The following GPR176 variants were observed in gnomAD, a reference collection of about 807,000 sequenced individuals.
The protein encoded by GPR176 is G-protein coupled receptor 176.
Under a neutral mutation model 35.4 loss-of-function variants are expected in GPR176, and 26 were observed. The ratio of observed to expected loss-of-function variants is 0.74; its 90% confidence interval spans 0.54 to 1.02. The LOEUF (loss-of-function observed/expected upper bound fraction) is 1.02. Ranked by LOEUF, GPR176 falls within the 50% of genes least tolerant of loss-of-function variation. The pLI, the probability that GPR176 is intolerant of heterozygous loss-of-function variation, is 0.00. For missense variants in GPR176, 597 were observed against 665.3 expected (o/e 0.90, Z 1.13); for synonymous variants, 278 against 271.3 (o/e 1.02, Z -0.24).
chr15:39,802,384 T>G, intron 2 of GPR176, 130 bp from the exon 3 acceptor site: 2 of 717,834 alleles, frequency 2.8e-6, no homozygotes, highest in East Asian at 2.8e-5. Context: ...AGAAAAGCAC[T>G]GGGGGAATCC....
intron 1 of GPR176, among the ~76,000 whole-genome samples, chr15:39,829,815 AAC>A (rs929696247): frequency 6.6e-6 from 1 of 152,128 alleles, no homozygotes; most frequent in African/African-American, 2.4e-5. Context: ...GCATGAGTAC[AAC>A]AGTTTTTTTC....
chr15:39,839,750 A>G (rs1056646958), intron 1 of GPR176, among the ~76,000 whole-genome samples: 16 of 152,252 alleles, frequency 1.1e-4, no homozygotes, highest in Non-Finnish European at 2.1e-4. Context: ...GCTAATATCC[A>G]GAATCTACAA....
At chr15:39,842,742 G>A (rs2030108896) in intron 1 of GPR176, among the ~76,000 whole-genome samples, 1 of 152,064 alleles carries the variant, frequency 6.6e-6, no homozygotes, top group African/African-American at 2.4e-5. Context: ...CTAGAACTAT[G>A]AGAAATAAAT....
rs937214 is a variant in GPR176, at chr15:39,914,040, A to C, written c.172+5815T>G. ...CAGCCTGGACAACAGAGTGAGACTC[A>C]GTCTCAAAAAACAAACAAACAAACA... is the stretch of plus-strand genomic sequence containing the variant. On this transcript the variant is annotated intron_variant, in intron 1 of 2. Coordinates refer to ENST00000561100, the MANE Select transcript of GPR176 (RefSeq NM_007223.3). Among the ~76,000 whole-genome samples the C allele has an allele frequency of 4.6e-5, 7 of 152,118 alleles. No homozygotes were observed. The South Asian group carries it at 6.2e-4, about 14-fold the overall frequency.
intron 1 of GPR176, among the ~76,000 whole-genome samples, chr15:39,847,786 T>C (rs531910730): frequency 3.5e-5 from 5 of 142,580 alleles, no homozygotes; most frequent in Non-Finnish European, 4.6e-5. Flanking sequence ...TATCTTAATA[T>C]CAGATAAAAT....
intron 1 of GPR176, among the ~76,000 whole-genome samples, chr15:39,870,920 T>C (rs77723535): frequency 0.035 from 5,297 of 152,184 alleles, 308 homozygotes; most frequent in African/African-American, 0.12. Flanking sequence ...ACAACTTGAA[T>C]GGGCTTGGAA....
chr15:39,890,197 A>G (rs990346252), intron 1 of GPR176, among the ~76,000 whole-genome samples: 1 of 152,192 alleles, frequency 6.6e-6, no homozygotes, highest in Non-Finnish European at 1.5e-5. Flanking sequence ...CCAGCACACC[A>G]CTGCCCTTAA....
intron 1 of GPR176, among the ~76,000 whole-genome samples, chr15:39,902,993 G>A (rs1019581343): frequency 1.3e-5 from 2 of 152,176 alleles, no homozygotes; most frequent in African/African-American, 4.8e-5. Flanking sequence ...TTACCATGGT[G>A]CAAAAGCAAT....
chr15:39,835,047 C>T (rs956644050), intron 1 of GPR176, among the ~76,000 whole-genome samples: 1 of 151,984 alleles, frequency 6.6e-6, no homozygotes, highest in Non-Finnish European at 1.5e-5. Context: ...GACAGAGTTT[C>T]GCTCTTGTTG....
chr15:39,826,469 G>T (rs911519443), intron 1 of GPR176, among the ~76,000 whole-genome samples: 4 of 152,120 alleles, frequency 2.6e-5, no homozygotes. Flanking sequence ...GAGAAATATG[G>T]ATAGCTGAGT....
chr15:39,902,903 A>G (rs1288851075), intron 1 of GPR176, among the ~76,000 whole-genome samples: 2 of 152,236 alleles, frequency 1.3e-5, no homozygotes, highest in African/African-American at 2.4e-5. Context: ...CAGAAAATAC[A>G]AAGTCACTCC....
intron 1 of GPR176, among the ~76,000 whole-genome samples, chr15:39,854,433 A>G (rs2031073216): frequency 6.6e-6 from 1 of 152,192 alleles, no homozygotes; most frequent in African/African-American, 2.4e-5. Flanking sequence ...TTTATGGTGT[A>G]GAAAACTCCA....
Position 39,908,171 on chromosome 15 carries a change from C to T in GPR176, c.172+11684G>A, listed in dbSNP as rs77857912. On this transcript the variant is annotated intron_variant, in intron 1 of 2. Coordinates refer to ENST00000561100, the MANE Select transcript of GPR176 (RefSeq NM_007223.3). The stretch of plus-strand genomic sequence containing the variant: ...GTCCCACAGCTTCCAGCCTTCTTTA[C>T]ATCCCTGGGCTCTTGGAGCCTAAGC... 2.6e-3 allele frequency among the ~76,000 whole-genome samples: 403 copies of T among 152,320 alleles called. 5 individuals are homozygous for T. Among genetic ancestry groups the T allele is most frequent in the East Asian group, 0.022 (116 of 5,192 alleles).
At chr15:39,836,716 GTTCTAAGAGAAGGAGAAA>G (rs2140781847) in intron 1 of GPR176, among the ~76,000 whole-genome samples, 1 of 152,178 alleles carries the variant, frequency 6.6e-6, no homozygotes, top group Non-Finnish European at 1.5e-5. Context: ...ACATAAATTT[GTTCTAAGAGAAGGAGAAA>G]GGGAAAACCC....
chr15:39,853,888 G>A (rs1355382926), intron 1 of GPR176, among the ~76,000 whole-genome samples: 2 of 152,080 alleles, frequency 1.3e-5, no homozygotes, highest in Non-Finnish European at 2.9e-5. Context: ...AAAATGCATA[G>A]CTCAGAGCCT....
At chr15:39,869,450 C>T (rs192206050) in intron 1 of GPR176, among the ~76,000 whole-genome samples, 2 of 152,168 alleles carry the variant, frequency 1.3e-5, no homozygotes, top group Non-Finnish European at 2.9e-5. Flanking sequence ...ATGCCGACCT[C>T]GGGCAGGTGT....
intron 1 of GPR176, among the ~76,000 whole-genome samples, chr15:39,914,309 CTTTTTTTTTT>C (rs5812146): frequency 1.4e-5 from 1 of 71,158 alleles, no homozygotes; most frequent in South Asian, 6.1e-4. Context: ...ATATCTTATT[CTTTTTTTTTT>C]TTTTTTTTTT....
At chr15:39,860,106 G>T (rs2031497536) in intron 1 of GPR176, among the ~76,000 whole-genome samples, 1 of 152,040 alleles carries the variant, frequency 6.6e-6, no homozygotes. Context: ...ATAATCTACT[G>T]AAAACAATAC....
intron 1 of GPR176, among the ~76,000 whole-genome samples, chr15:39,850,620 G>T (rs2030795212): frequency 6.6e-6 from 1 of 152,052 alleles, no homozygotes; most frequent in African/African-American, 2.4e-5. Context: ...GCAACAGAAG[G>T]CTCCTTGTGG....
Sources: gnomAD v4.1 joint callset for allele counts (sites outside exome capture counted in the v4.1 genomes callset) on GRCh38, gnomAD v4.1.1 for gene constraint, MANE v1.5 for transcripts, NCBI Gene and HGNC (gene_info 2026-07-23, HGNC 2026-07-21) for gene names.